The following SMG1 variants were observed in gnomAD, a reference collection of about 807,000 sequenced individuals.
SMG1 encodes the protein serine/threonine-protein kinase SMG1.
A neutral mutation model predicts 419.9 loss-of-function variants in SMG1; 22 were observed. That is an observed-to-expected ratio of 0.05 (90% CI 0.04 to 0.07). SMG1 has a LOEUF of 0.07. SMG1 is among the 10% of genes least tolerant of loss of function. SMG1 has a pLI of 1.00. For synonymous variants in SMG1, 1,538 were observed against 1,553.5 expected (o/e 0.99, Z 0.23); for missense variants, 3,185 against 4,342.0 (o/e 0.73, Z 7.49).
chr16:18,837,148 T>C, intron 46 of SMG1, 105 bp downstream of exon 46: 3 of 1,099,758 alleles, frequency 2.7e-6, no homozygotes, highest in Non-Finnish European at 3.8e-6. Flanking sequence ...GCTTTTATCA[T>C]TTATGTGATT....
At chr16:18,814,271 C>G (rs2031773346) in intron 60 of SMG1, among the ~76,000 whole-genome samples, 1 of 151,632 alleles carries the variant, frequency 6.6e-6, no homozygotes, top group African/African-American at 2.4e-5. Flanking sequence ...GTTTCTGCCT[C>G]TATTTGGAAT....
At chr16:18,841,018 C>A (rs141183286) in intron 41 of SMG1, among the ~76,000 whole-genome samples, 2 of 152,158 alleles carry the variant, frequency 1.3e-5, no homozygotes, top group African/African-American at 4.8e-5. Context: ...TATGATCATA[C>A]CACTGCACTC....
chr16:18,883,423 T>C (rs948093274), intron 9 of SMG1, among the ~76,000 whole-genome samples: 1 of 152,248 alleles, frequency 6.6e-6, no homozygotes, highest in Non-Finnish European at 1.5e-5. Context: ...TTTGGTGTTT[T>C]GTGTTTTTTT....
rs1183896801 is a variant in SMG1 at position 18,829,402 on chromosome 16, C to T, written c.9487G>A (p.Ala3163Thr). 1 of 1,613,996 alleles carries T rather than the reference C, an allele frequency of 6.2e-7. No homozygotes were observed. Among genetic ancestry groups the T allele is most frequent in the South Asian group, 1.1e-5 (1 of 91,086 alleles). Residue 3163 changes from alanine to threonine, a missense_variant, in exon 54 of 63, where the codon GCA becomes ACA. By Grantham distance (58) the Ala-to-Thr change is moderately conservative (BLOSUM62 0). Coordinates refer to ENST00000446231, the MANE Select transcript of SMG1 (RefSeq NM_015092.5). ...QLVMNRATVL[A>T]SSYDTAWKKH... Reference sequence around the variant, plus strand: ...TTCCAGGCAGTGTCGTAAGAACTTGCTAACACAGTTGCCCTGTTCATAACC... The same window carrying T: ...TTCCAGGCAGTGTCGTAAGAACTTGTTAACACAGTTGCCCTGTTCATAACC...
At chr16:18,837,221 C>A in intron 46 of SMG1, 32 bp downstream of exon 46, 1 of 1,520,562 alleles carries the variant, frequency 6.6e-7, no homozygotes, top group Non-Finnish European at 8.9e-7. Flanking sequence ...ATTAATGGCA[C>A]ATATTTAGAA....
At chr16:18,872,800 T>C (rs11647288) in intron 13 of SMG1, among the ~76,000 whole-genome samples, 176 bp from the exon 14 acceptor site, 46,864 of 152,030 alleles carry the variant, frequency 0.31, 7,962 homozygotes, top group Non-Finnish European at 0.38. Context: ...AGTAAAGCCT[T>C]TGCGTGCAAT....
chr16:18,830,324 A>G lies in SMG1; in HGVS notation c.8838T>C (p.Gly2946=). The G allele has an allele frequency of 6.2e-7, 1 of 1,613,802 alleles. No individual in the cohort carries two copies. The highest frequency in any genetic ancestry group is 1.3e-5 in the African/African-American group (1 of 74,970). ...ACATTTTGGGTGTTTCATCAACTGA[A>G]CCATTTCTCGGTTGGATTAATTCAC... The part of the protein sequence containing the change: ...QYGELIQPRN[G]SVDETPKMSA... Residue 2946 remains glycine (G), a synonymous_variant, in exon 52 of 63, where the codon GGT becomes GGC. Coordinates refer to ENST00000446231, the MANE Select transcript of SMG1 (RefSeq NM_015092.5).
chr16:18,916,997 C>T (rs564125372), intron 1 of SMG1, among the ~76,000 whole-genome samples: 2 of 152,150 alleles, frequency 1.3e-5, no homozygotes, highest in South Asian at 2.1e-4. Context: ...ACTTATATGA[C>T]ATTCCATACA....
At chr16:18,917,446 C>T (rs941462514) in intron 1 of SMG1, among the ~76,000 whole-genome samples, 19 of 151,874 alleles carry the variant, frequency 1.3e-4, no homozygotes, top group Admixed American at 1.2e-3. Context: ...ACCATACATA[C>T]ACAGCCTTAT....
At chr16:18,898,717 G>A (rs11866925) in intron 1 of SMG1, among the ~76,000 whole-genome samples, 28,036 of 152,096 alleles carry the variant, frequency 0.18, 2,676 homozygotes, top group Middle Eastern at 0.26. Flanking sequence ...AAGATAAATG[G>A]AGTCTGCCAA....
chr16:18,850,010 A>G lies in SMG1; in HGVS notation c.5400T>C (p.Ala1800=). The part of the protein sequence containing the change: ...LRLLRLLVKH[A]GELRQYLEHG... ...GCTCCAGATACTGCCGAAGCTCACC[A>G]GCATGCTTCACGAGCAACCGCAGCA... Residue 1800 remains alanine (A), a synonymous_variant, in exon 35 of 63, where the codon GCT becomes GCC. Transcript: ENST00000446231. The G allele has an allele frequency of 6.2e-7, 1 of 1,613,996 alleles. No homozygotes were observed. Among genetic ancestry groups the G allele is most frequent in the Non-Finnish European group, 8.5e-7 (1 of 1,179,894 alleles).
intron 48 of SMG1, 127 bp downstream of exon 48, chr16:18,835,806 G>A: frequency 1.2e-6 from 1 of 856,948 alleles, no homozygotes. Context: ...GGCTGAGGCA[G>A]AGGAATTGCT....
At chr16:18,810,063 T>A (rs1253809281) in intron 62 of SMG1, among the ~76,000 whole-genome samples, 1 of 151,608 alleles carries the variant, frequency 6.6e-6, no homozygotes, top group Non-Finnish European at 1.5e-5. Flanking sequence ...AAAAAAAAAA[T>A]TCCTTGCTGA....
intron 54 of SMG1, among the ~76,000 whole-genome samples, chr16:18,829,020 T>G (rs1356511821): frequency 6.6e-6 from 1 of 151,812 alleles, no homozygotes; most frequent in Non-Finnish European, 1.5e-5. Context: ...AAAGCAATAT[T>G]TAATACAGAT....
At chr16:18,864,186 A>AATT in intron 23 of SMG1, 42 bp from the exon 24 acceptor site, 7 of 912,774 alleles carry the variant, frequency 7.7e-6, no homozygotes, top group Non-Finnish European at 1.0e-5. Context: ...TTATCTACTT[A>AATT]CTTTTTTTTT....
intron 36 of SMG1, among the ~76,000 whole-genome samples, 174 bp downstream of exon 36, chr16:18,849,043 C>G (rs1377779423): frequency 1.6e-5 from 2 of 121,706 alleles, no homozygotes; most frequent in Non-Finnish European, 1.6e-5. Context: ...GCACTCCAGC[C>G]TGGGTGACAG....
intron 48 of SMG1, 39 bp downstream of exon 48, chr16:18,835,894 G>A (rs368690825): frequency 3.4e-5 from 52 of 1,535,268 alleles, no homozygotes; most frequent in Middle Eastern, 4.0e-4. Flanking sequence ...ACAAGACTCC[G>A]TCTCAAAAAT....
At chr16:18,820,009 G>T (rs1395045066) in intron 55 of SMG1, among the ~76,000 whole-genome samples, 1 of 151,944 alleles carries the variant, frequency 6.6e-6, no homozygotes, top group Non-Finnish European at 1.5e-5. Context: ...CTGTCACCCA[G>T]GCTGGAGTTG....
chr16:18,850,372 T>C lies in SMG1; in HGVS notation c.5148A>G (p.Pro1716=). The part of the protein sequence containing the change: ...VIWRQLISSC[P]WLSELDESAT... ...CACTTTCATCAAGTTCTGAAAGCCA[T>C]GGGCAGCTTGATATCAACTGACGCC... Residue 1716 remains proline, a synonymous_variant, in exon 34 of 63, where the codon CCA becomes CCG. Transcript: ENST00000446231. The C allele has an allele frequency of 6.2e-7, 1 of 1,614,010 alleles. No homozygotes were observed.
Sources: gnomAD v4.1 joint callset for allele counts (sites outside exome capture counted in the v4.1 genomes callset) on GRCh38, gnomAD v4.1.1 for gene constraint, MANE v1.5 for transcripts, NCBI Gene and HGNC (gene_info 2026-07-23, HGNC 2026-07-21) for gene names.